The following CPM variants were observed in gnomAD, a reference collection of about 807,000 sequenced individuals.
CPM encodes carboxypeptidase M, also known as renal carboxypeptidase.
In CPM, 35 loss-of-function variants were observed where a neutral mutation model predicts 46.4. The ratio of observed to expected loss-of-function variants is 0.75; its 90% CI spans 0.58 to 1.00. CPM has a LOEUF of 1.00. Ranked by LOEUF, CPM falls within the 50% of genes least tolerant of loss-of-function variation. The pLI, the probability that CPM is intolerant of heterozygous loss-of-function variation, is 0.00. For missense variants in CPM, 422 were observed against 530.4 expected, an observed-to-expected ratio of 0.80 and a Z score of 2.01; for synonymous variants, 195 against 195.3, an observed-to-expected ratio of 1.00 and a Z score of 0.01.
At chr12:68,865,989 G>A (rs1885426275) in intron 7 of CPM, among the ~76,000 whole-genome samples, 1 of 152,210 alleles carries the variant, frequency 6.6e-6, no homozygotes, top group South Asian at 2.1e-4. Flanking sequence ...ACGTTTGAAA[G>A]CTATCACTCT....
intron 1 of CPM, among the ~76,000 whole-genome samples, chr12:68,945,621 A>C (rs1888833805): frequency 6.6e-6 from 1 of 152,158 alleles, no homozygotes; most frequent in Non-Finnish European, 1.5e-5. Context: ...CAAAAACGTT[A>C]GTATTCTTAT....
chr12:68,952,845 G>T (rs779984281), intron 1 of CPM, among the ~76,000 whole-genome samples: 1 of 152,200 alleles, frequency 6.6e-6, no homozygotes, highest in African/African-American at 2.4e-5. Flanking sequence ...CTTCACAGAA[G>T]TAAGTAGAAA....
At chr12:68,877,496 C>T (rs1212524142) in intron 3 of CPM, among the ~76,000 whole-genome samples, 1 of 152,156 alleles carries the variant, frequency 6.6e-6, no homozygotes, top group African/African-American at 2.4e-5. Flanking sequence ...TTTTTAAATA[C>T]CGAACACATT....
chr12:68,920,776 C>T (rs552489176), intron 2 of CPM, among the ~76,000 whole-genome samples: 27 of 151,268 alleles, frequency 1.8e-4, no homozygotes, highest in African/African-American at 6.3e-4. Flanking sequence ...CTGTAACCTC[C>T]ACCTCCTGGG....
At chr12:68,928,018 T>C (rs1410996978) in intron 2 of CPM, among the ~76,000 whole-genome samples, 1 of 152,136 alleles carries the variant, frequency 6.6e-6, no homozygotes, top group African/African-American at 2.4e-5. Context: ...TGGAAAAAAC[T>C]ACTTTAAAGT....
At chr12:68,916,514 C>T (rs2120743) in intron 2 of CPM, among the ~76,000 whole-genome samples, 118,714 of 152,128 alleles carry the variant, frequency 0.78, 46,765 homozygotes, top group African/African-American at 0.9. Flanking sequence ...CATTTTGTGG[C>T]GCTCTGGTTT....
intron 2 of CPM, among the ~76,000 whole-genome samples, chr12:68,913,551 T>C (rs1144959): frequency 0.78 from 118,260 of 152,076 alleles, 46,402 homozygotes; most frequent in African/African-American, 0.9. Flanking sequence ...TGATCAGTTT[T>C]AGAGGGCTCA....
At chr12:68,842,423 T>C (rs529397103) in intron 5 of CPM, 1 of 470,460 alleles carries the variant, frequency 2.1e-6, no homozygotes, top group African/African-American at 2.0e-5. Context: ...TATATTTACA[T>C]TTGAAAATCT....
At position 68,947,391 on chromosome 12, in the gene CPM, G is replaced by C. The variant is rs373081983; in HGVS notation, c.-3-14551C>G. ...ACACATAGATCACCTGAAATCAGGA[G>C]TTCAAGACCAGCCTGGCCAACATGG... is the stretch of plus-strand genomic sequence containing the variant. On this transcript the variant is annotated intron_variant, in intron 1 of 8. Coordinates refer to the CPM transcript ENST00000546373. Among the ~76,000 whole-genome samples, 11 of 152,272 alleles carry C rather than the reference G, an allele frequency of 7.2e-5. No homozygotes were observed. The South Asian group carries it at 2.1e-3, about 29-fold the overall frequency.
In CPM at chr12:68,869,437, A is replaced by T; in HGVS notation, c.675T>A (p.Leu225=). The change falls in exon 6 of 9, where the codon CTT becomes CTA. Residue 225 remains leucine, a synonymous_variant. Transcript: ENST00000551568. ...LTPDDDVFQY[L]AHTYASRNPN... is the part of the protein sequence containing the mutation. ...GATTTCTTGAAGCATAGGTATGTGC[A>T]AGATATTGAAAAACATCATCATCAG... 6.2e-7 allele frequency: 1 copy of T among 1,613,670 alleles called. No homozygotes were observed. The highest frequency in any genetic ancestry group is 8.5e-7 in the Non-Finnish European group (1 of 1,179,786).
Position 68,869,272 on chromosome 12 carries a change from G to A in CPM, c.787+53C>T, listed in dbSNP as rs1441629204. 17 of 1,550,250 alleles carry A rather than the reference G, an allele frequency of 1.1e-5. No individual in the cohort carries two copies. In the African/African-American group the frequency reaches 1.4e-4, roughly 13 times the overall value. On this transcript the variant is annotated intron_variant, in intron 6 of 8. Transcript: ENST00000551568. ...CTGCTGGATCAAAATAAACCAGCTGGCACTTCTGGGTGAAGGCAATAAGGA... is the reference window on the plus strand; with the variant it reads ...CTGCTGGATCAAAATAAACCAGCTGACACTTCTGGGTGAAGGCAATAAGGA...
At chr12:68,849,983 C>G (rs1277663028), downstream of CPM, 1 of 152,152 alleles carries the variant, frequency 6.6e-6, no homozygotes, top group African/African-American at 2.4e-5. Flanking sequence ...AGTTGTCAAA[C>G]AGCAAACAAA....
chr12:68,913,312 G>C (rs1232654681), intron 2 of CPM, among the ~76,000 whole-genome samples: 1 of 152,122 alleles, frequency 6.6e-6, no homozygotes, highest in Non-Finnish European at 1.5e-5. Flanking sequence ...CCTGAATACA[G>C]GCAAATCAGT....
At chr12:68,914,231 T>C (rs753301645) in intron 2 of CPM, among the ~76,000 whole-genome samples, 3 of 152,218 alleles carry the variant, frequency 2.0e-5, no homozygotes, top group Non-Finnish European at 4.4e-5. Flanking sequence ...ACAAGGCCAG[T>C]CATTAGAAGA....
At chr12:68,903,010 A>G (rs1190364992) in intron 2 of CPM, among the ~76,000 whole-genome samples, 1 of 152,246 alleles carries the variant, frequency 6.6e-6, no homozygotes, top group Non-Finnish European at 1.5e-5. Context: ...AGACTCATCA[A>G]TGAGAAGATG....
intron 2 of CPM, among the ~76,000 whole-genome samples, chr12:68,906,033 T>C (rs1199079953): frequency 6.6e-6 from 1 of 152,206 alleles, no homozygotes; most frequent in African/African-American, 2.4e-5. Flanking sequence ...GCATCGGTCA[T>C]CGTGGTGGTT....
At position 68,856,495 on chromosome 12, in the gene CPM, G is replaced by A. The variant is rs1225118329; in HGVS notation, c.1274C>T (p.Ala425Val). 3.7e-6 allele frequency: 6 copies of A among 1,613,984 alleles called. No individual in the cohort carries two copies. The highest frequency in any genetic ancestry group is 5.1e-6 in the Non-Finnish European group (6 of 1,179,932). ...LYRNLPDHSA[A>V]TKPSLFLFLV... is the part of the protein sequence containing the mutation. ...AAATAAGAACAAACTAGGCTTTGTT[G>A]CAGCTGAGTGGTCTGGCAAATTTCT... The change falls in exon 9 of 9, where the codon GCA becomes GTA. Residue 425 changes from alanine (A) to valine (V), a missense_variant. Transcript: ENST00000551568.
At chr12:68,887,197 T>C (rs1886472703) in intron 2 of CPM, among the ~76,000 whole-genome samples, 1 of 152,212 alleles carries the variant, frequency 6.6e-6, no homozygotes, top group Non-Finnish European at 1.5e-5. Context: ...CTGGCACTTT[T>C]AATACAGTTT....
At chr12:68,918,046 T>G (rs1448512984) in intron 2 of CPM, among the ~76,000 whole-genome samples, 1 of 152,190 alleles carries the variant, frequency 6.6e-6, no homozygotes, top group Non-Finnish European at 1.5e-5. Context: ...TGAATATGAT[T>G]CTATATTGAG....
Sources: allele counts gnomAD v4.1 joint callset (sites outside exome capture counted in the v4.1 genomes callset), GRCh38; gene constraint gnomAD v4.1.1; transcripts MANE v1.5; gene names NCBI Gene and HGNC (gene_info 2026-07-23, HGNC 2026-07-21).